KCTD8: variants seen among roughly 807,000 people sequenced by gnomAD.
The protein encoded by KCTD8 is potassium channel tetramerization domain containing 8.
KCTD8 carries 27 observed loss-of-function variants against 31.5 expected under a neutral mutation model. That is an observed-to-expected ratio of 0.86 (90% CI 0.63 to 1.18). The LOEUF is 1.18. Ranked by LOEUF, KCTD8 falls within the 50% of genes most tolerant of loss-of-function variation. KCTD8 has a pLI of 0.00. For synonymous variants in KCTD8, 290 were observed against 280.0 expected (o/e 1.04, Z -0.36); for missense variants, 658 against 647.7 (o/e 1.02, Z -0.17).
chr4:44,441,954 A>C (rs2109484869), intron 1 of KCTD8, among the ~76,000 whole-genome samples: 1 of 152,322 alleles, frequency 6.6e-6, no homozygotes, highest in South Asian at 2.1e-4. Context: ...GATGTCAATA[A>C]AAATGTTAAT....
intron 1 of KCTD8, among the ~76,000 whole-genome samples, chr4:44,265,798 G>A (rs1716331743): frequency 6.6e-6 from 1 of 152,124 alleles, no homozygotes; most frequent in Admixed American, 6.5e-5. Flanking sequence ...TATCAGCCAT[G>A]GAAGATGAAA....
intron 1 of KCTD8, among the ~76,000 whole-genome samples, chr4:44,206,937 A>G (rs1041214041): frequency 6.6e-6 from 1 of 152,248 alleles, no homozygotes. Context: ...AAATAAAAAA[A>G]TAACCATTCA....
chr4:44,358,055 C>A (rs1473155488), intron 1 of KCTD8, among the ~76,000 whole-genome samples: 1 of 151,956 alleles, frequency 6.6e-6, no homozygotes, highest in African/African-American at 2.4e-5. Context: ...CCTAGCCCCC[C>A]ACCCCCCAAA....
chr4:44,366,340 G>T (rs946009874), intron 1 of KCTD8, among the ~76,000 whole-genome samples: 1 of 152,086 alleles, frequency 6.6e-6, no homozygotes, highest in Non-Finnish European at 1.5e-5. Context: ...GGTCATGGGG[G>T]GTGGATTTCC....
At chr4:44,214,868 T>G (rs1714604032) in intron 1 of KCTD8, among the ~76,000 whole-genome samples, 1 of 152,208 alleles carries the variant, frequency 6.6e-6, no homozygotes, top group African/African-American at 2.4e-5. Context: ...ATCTGGAGGC[T>G]GCAAGATTCT....
At chr4:44,334,247 G>T (rs533828622) in intron 1 of KCTD8, among the ~76,000 whole-genome samples, 89 of 151,780 alleles carry the variant, frequency 5.9e-4, no homozygotes, top group Admixed American at 1.0e-3. Flanking sequence ...ATACAGCAAA[G>T]AAAAAAAGGA....
chr4:44,242,494 C>T (rs550977712), intron 1 of KCTD8, among the ~76,000 whole-genome samples: 9 of 152,100 alleles, frequency 5.9e-5, no homozygotes, highest in South Asian at 2.1e-4. Flanking sequence ...AGGAGAATGG[C>T]GTGAACCCGG....
At chr4:44,205,788 C>A (rs1319301180) in intron 1 of KCTD8, among the ~76,000 whole-genome samples, 1 of 152,162 alleles carries the variant, frequency 6.6e-6, no homozygotes, top group Non-Finnish European at 1.5e-5. Context: ...CATTGGAAGA[C>A]TTGGGATTAG....
intron 1 of KCTD8, among the ~76,000 whole-genome samples, chr4:44,357,342 C>T (rs1267553019): frequency 6.6e-6 from 1 of 152,072 alleles, no homozygotes; most frequent in Non-Finnish European, 1.5e-5. Context: ...CCATCGTTAC[C>T]AAACCACTGG....
At chr4:44,354,753 C>A (rs534312911) in intron 1 of KCTD8, among the ~76,000 whole-genome samples, 1 of 152,100 alleles carries the variant, frequency 6.6e-6, no homozygotes, top group Admixed American at 6.6e-5. Flanking sequence ...CTTGTAAGCA[C>A]CATGCTGTGT....
At chr4:44,445,137 A>G (rs1721909034) in intron 1 of KCTD8, among the ~76,000 whole-genome samples, 1 of 152,214 alleles carries the variant, frequency 6.6e-6, no homozygotes, top group South Asian at 2.1e-4. Context: ...CGATGGAAAT[A>G]CATTTTACAG....
intron 1 of KCTD8, among the ~76,000 whole-genome samples, chr4:44,184,270 A>G (rs1713514928): frequency 6.6e-6 from 1 of 152,180 alleles, no homozygotes; most frequent in Non-Finnish European, 1.5e-5. Flanking sequence ...GCCATGCTAC[A>G]TTGAAACTTA....
At chr4:44,237,208 C>A (rs1442297274) in intron 1 of KCTD8, among the ~76,000 whole-genome samples, 1 of 151,996 alleles carries the variant, frequency 6.6e-6, no homozygotes, top group Non-Finnish European at 1.5e-5. Context: ...CTAAAAGGAG[C>A]AATATGGGAG....
At chr4:44,270,681 A>T (rs960260370) in intron 1 of KCTD8, among the ~76,000 whole-genome samples, 46 of 152,114 alleles carry the variant, frequency 3.0e-4, no homozygotes, top group African/African-American at 1.1e-3. Context: ...ATTCCATATA[A>T]TGAGAAACTG....
chr4:44,365,977 A>G (rs567082542), intron 1 of KCTD8, among the ~76,000 whole-genome samples: 10 of 152,308 alleles, frequency 6.6e-5, no homozygotes, highest in Non-Finnish European at 1.3e-4. Context: ...AAAAGAAAAA[A>G]AACCTTGATT....
rs1272730794 is a variant in KCTD8 at position 44,439,898 on chromosome 4, ATTTTTATTTATT to A, written c.961+7653_961+7664del. 3.0e-3 allele frequency among the ~76,000 whole-genome samples: 289 copies of A among 97,604 alleles called. 1 individual carries two copies. The highest frequency in any genetic ancestry group is 4.5e-3 in the Middle Eastern group (1 of 224). 64.0% of individuals were successfully genotyped at this position (97,604 alleles called of 152,430 possible). A position where few individuals can be genotyped will look rare whatever the true frequency, so the allele number is the denominator to read the frequency against. ...ACAACTTCTAGTCCACCAATCATTTATTTTTATTTATTTATTTATTTATTTATTTATTTATTT... is the reference window on the plus strand; with the variant it reads ...ACAACTTCTAGTCCACCAATCATTTATATTTATTTATTTATTTATTTATTT... On this transcript the variant is annotated intron_variant, in intron 1 of 1. Transcript: ENST00000360029.
chr4:44,223,901 A>C, intron 1 of KCTD8, among the ~76,000 whole-genome samples: 1 of 152,234 alleles, frequency 6.6e-6, no homozygotes. Context: ...GGCAGAGTTG[A>C]GAAGTTGCAA....
intron 1 of KCTD8, among the ~76,000 whole-genome samples, chr4:44,298,641 A>T (rs1478163358): frequency 6.6e-6 from 1 of 152,174 alleles, no homozygotes. Context: ...CAGTCTCAAT[A>T]TGAAACACAC....
chr4:44,333,994 C>A (rs898023438), intron 1 of KCTD8, among the ~76,000 whole-genome samples: 3 of 151,922 alleles, frequency 2.0e-5, no homozygotes, highest in Non-Finnish European at 2.9e-5. Flanking sequence ...AAATTGAACA[C>A]CATACAACTG....
Sources: allele counts gnomAD v4.1 joint callset (sites outside exome capture counted in the v4.1 genomes callset), GRCh38; gene constraint gnomAD v4.1.1; transcripts MANE v1.5; gene names NCBI Gene and HGNC (gene_info 2026-07-23, HGNC 2026-07-21).